The following TRIM41 variants were observed in gnomAD, a reference collection of about 807,000 sequenced individuals.
TRIM41 encodes E3 ubiquitin-protein ligase TRIM41.
A neutral mutation model predicts 60.6 loss-of-function variants in TRIM41; 21 were observed. That is an observed-to-expected ratio of 0.35 (90% CI 0.25 to 0.50). The LOEUF is 0.50. Ranked by LOEUF, TRIM41 falls within the 20% of genes least tolerant of loss-of-function variation. The probability of loss-of-function intolerance (pLI) is 0.98; values close to 1 mark genes in which losing one functional copy is unlikely to be tolerated. For synonymous variants in TRIM41, 407 were observed against 344.9 expected (o/e 1.18, Z -2.00); for missense variants, 846 against 868.3 (o/e 0.97, Z 0.32).
chr5:181,234,512 C>T lies in TRIM41; in HGVS notation c.1630C>T (p.Leu544=). ...RRRLHLPQQP[L]LQREVWCVGT... ...CCGGCTCCACCTGCCCCAGCAGCCC[C>T]TGCTCCAGCGGGAAGTGTGGTGCGT... Residue 544 remains leucine (L), a synonymous_variant, in exon 6 of 6, where the codon CTG becomes TTG. Coordinates refer to ENST00000315073, the MANE Select transcript of TRIM41 (RefSeq NM_033549.5). The surrounding 1 kb of genome is among the most constrained non-coding windows in gnomAD (Gnocchi z 5.6). 3 of 1,614,086 alleles carry T rather than the reference C, an allele frequency of 1.9e-6. No individual in the cohort carries two copies. Among genetic ancestry groups the T allele is most frequent in the Non-Finnish European group, 2.5e-6 (3 of 1,179,954 alleles).
chr5:181,235,284 A>G lies in TRIM41; in HGVS notation c.*509A>G. The stretch of plus-strand genomic sequence containing the variant: ...CTGGGCCAAAGGGTAGAGCTGGGTA[A>G]TAAATGTCTATTCTCCTGGGGAGGA... On this transcript the variant is annotated 3_prime_UTR_variant, in exon 6 of 6. Transcript: ENST00000315073. 6.2e-7 allele frequency: 1 copy of G among 1,613,800 alleles called. No individual in the cohort carries two copies. The highest frequency in any genetic ancestry group is 1.1e-5 in the South Asian group (1 of 91,014).
rs1758363951 is a variant in TRIM41 at position 181,223,293 on chromosome 5, G to C, written c.-707G>C. 1 of 398,720 alleles carries C rather than the reference G, an allele frequency of 2.5e-6. No individual in the cohort carries two copies. The highest frequency in any genetic ancestry group is 4.4e-6 in the Non-Finnish European group (1 of 226,196). The allele number at this position is 398,720 out of a possible 1,614,324, so 24.7% of individuals were successfully genotyped here. A position where few individuals can be genotyped will look rare whatever the true frequency, so the allele number is the denominator to read the frequency against. ...GACCCACCCCCTCGCTTCCGGCATCGGCTGTGGGGAGTACCGGCTGCAGTC... is the reference window on the plus strand; with the variant it reads ...GACCCACCCCCTCGCTTCCGGCATCCGCTGTGGGGAGTACCGGCTGCAGTC... On this transcript the variant is annotated 5_prime_UTR_variant, in exon 1 of 6. Transcript: ENST00000315073.
Position 181,223,959 on chromosome 5 carries a change from C to T in TRIM41, c.-41C>T, listed in dbSNP as rs752511260. Reference sequence around the variant, plus strand: ...CGGTAGGGAAGACCCCCGCCCCTCGCCCCCCCACCGAACCTCTACACTGGC... The same window carrying T: ...CGGTAGGGAAGACCCCCGCCCCTCGTCCCCCCACCGAACCTCTACACTGGC... On this transcript the variant is annotated 5_prime_UTR_variant, in exon 1 of 6. Transcript: ENST00000315073. 2.1e-5 allele frequency: 33 copies of T among 1,559,228 alleles called. No homozygotes were observed. In the East Asian group the frequency reaches 2.7e-4, roughly 13 times the overall value.
chr5:181,233,516 T>TC lies in TRIM41; in HGVS notation c.1163+83dup. 1 of 1,612,464 alleles carries TC rather than the reference T, an allele frequency of 6.2e-7. No individual in the cohort carries two copies. The highest frequency in any genetic ancestry group is 8.5e-7 in the Non-Finnish European group (1 of 1,178,738). Reference sequence around the variant, plus strand: ...GCTTCTCTTCGGTATCCCTCTCCTCTCCTTCCTTCCCCAGGACCTGAGTTT... The same window carrying TC: ...GCTTCTCTTCGGTATCCCTCTCCTCTCCCTTCCTTCCCCAGGACCTGAGTTT... On this transcript the variant is annotated intron_variant, in intron 4 of 5. Transcript: ENST00000315073. The surrounding 1 kb of genome is among the most constrained non-coding windows in gnomAD (Gnocchi z 4.1).
chr5:181,225,747 G>C (rs1386873113), intron 1 of TRIM41: 1 of 152,182 alleles, frequency 6.6e-6, no homozygotes, highest in Non-Finnish European at 1.5e-5. Flanking sequence ...ATTCTAGTTT[G>C]ACAAATACCT....
intron 1 of TRIM41, chr5:181,226,948 A>C (rs1758578710): frequency 6.6e-6 from 1 of 151,268 alleles, no homozygotes; most frequent in Admixed American, 6.6e-5. Context: ...ATCTTGGCTC[A>C]CCGCAACCTC....
At position 181,233,776 on chromosome 5, in the gene TRIM41, C is replaced by A; in HGVS notation, c.1291+13C>A. 1 of 1,614,206 alleles carries A rather than the reference C, an allele frequency of 6.2e-7. No individual in the cohort carries two copies. The highest frequency in any genetic ancestry group is 8.5e-7 in the Non-Finnish European group (1 of 1,180,032). On this transcript the variant is annotated intron_variant, in intron 5 of 5. Coordinates refer to ENST00000315073, the MANE Select transcript of TRIM41 (RefSeq NM_033549.5). This position sits in a 1 kb window ranked among gnomAD's most constrained non-coding sequence, Gnocchi z 4.1. ...CAGGCTGCGAGAGGTAGGGAGGTCA[C>A]CTCCACGACCTTCCTTTGCCTTTCC...
In TRIM41 at chr5:181,235,679, C is replaced by T. The variant is rs1017881504; in HGVS notation, c.*904C>T. On this transcript the variant is annotated 3_prime_UTR_variant, in exon 6 of 6. Transcript: ENST00000315073. Reference sequence around the variant, plus strand: ...CCAGGAGGAGAGCCTTGGGTATAATCTATTTTTCTAGGAGCCTCTTGCCTT... The same window carrying T: ...CCAGGAGGAGAGCCTTGGGTATAATTTATTTTTCTAGGAGCCTCTTGCCTT... 1.7e-5 allele frequency: 7 copies of T among 413,418 alleles called. No individual in the cohort carries two copies. Among genetic ancestry groups the T allele is most frequent in the African/African-American group, 1.2e-4 (6 of 50,606 alleles). 25.6% of individuals were successfully genotyped at this position (413,418 alleles called of 1,614,324 possible). A position where few individuals can be genotyped will look rare whatever the true frequency, so the allele number is the denominator to read the frequency against.
Position 181,234,122 on chromosome 5 carries a change from C to G in TRIM41, c.1292-52C>G. On this transcript the variant is annotated intron_variant, in intron 5 of 5. Transcript: ENST00000315073. This position sits in a 1 kb window ranked among gnomAD's most constrained non-coding sequence, Gnocchi z 5.6. ...CCCAATCTGTGGAGTTGGCTGCTGACAGGGGAACAGCCGTTCCAGCCCTGG... is the reference window on the plus strand; with the variant it reads ...CCCAATCTGTGGAGTTGGCTGCTGAGAGGGGAACAGCCGTTCCAGCCCTGG... 6.2e-7 allele frequency: 1 copy of G among 1,600,632 alleles called. No individual in the cohort carries two copies. Among genetic ancestry groups the G allele is most frequent in the Non-Finnish European group, 8.5e-7 (1 of 1,179,746 alleles).
Position 181,233,351 on chromosome 5 carries a change from T to C in TRIM41, c.1141-62T>C, listed in dbSNP as rs1758892005. 1 of 1,542,852 alleles carries C rather than the reference T, an allele frequency of 6.5e-7. No homozygotes were observed. Among genetic ancestry groups the C allele is most frequent in the Non-Finnish European group, 8.9e-7 (1 of 1,117,736 alleles). On this transcript the variant is annotated intron_variant, in intron 3 of 5. Coordinates refer to ENST00000315073, the MANE Select transcript of TRIM41 (RefSeq NM_033549.5). This position sits in a 1 kb window ranked among gnomAD's most constrained non-coding sequence, Gnocchi z 4.1. The stretch of plus-strand genomic sequence containing the variant: ...TGGAGATCGGGGAACGCTGTCCCTG[T>C]GCAGCTGACACTCTCTTTATCTCTT...
In TRIM41 at chr5:181,234,975, CCTA is replaced by C. The variant is rs1191236326; in HGVS notation, c.*204_*206del. ...TGGCCTCCAGCTCAGCCTTCTCTCA[CCTA>C]CTATGTCTGTCCAACAGGTCTGCAT... is the stretch of plus-strand genomic sequence containing the variant. On this transcript the variant is annotated 3_prime_UTR_variant, in exon 6 of 6. Transcript: ENST00000315073. This position sits in a 1 kb window ranked among gnomAD's most constrained non-coding sequence, Gnocchi z 5.6. 2 of 1,614,126 alleles carry C rather than the reference CCTA, an allele frequency of 1.2e-6. No individual in the cohort carries two copies. Among genetic ancestry groups the C allele is most frequent in the East Asian group, 2.2e-5 (1 of 44,884 alleles).
rs1279115404 is a variant in TRIM41 at position 181,235,320 on chromosome 5, ACTTTC to A, written c.*549_*553del. ...TTCTCCTGGGGAGGAGGGATTCTAA[ACTTTC>A]CTTCCGTCCTCAATTTCTACCTCCA... On this transcript the variant is annotated 3_prime_UTR_variant, in exon 6 of 6. Transcript: ENST00000315073. 1 of 1,613,944 alleles carries A rather than the reference ACTTTC, an allele frequency of 6.2e-7. No homozygotes were observed. Among genetic ancestry groups the A allele is most frequent in the African/African-American group, 1.3e-5 (1 of 74,872 alleles).
rs747224544 is a variant in TRIM41, at chr5:181,224,362, C to T, written c.363C>T (p.Asp121=). 9 of 1,611,888 alleles carry T rather than the reference C, an allele frequency of 5.6e-6. No homozygotes were observed. The highest frequency in any genetic ancestry group is 1.7e-5 in the Admixed American group (1 of 59,878). Residue 121 remains aspartate (D), a synonymous_variant, in exon 1 of 6, where the codon GAC becomes GAT. Transcript: ENST00000315073. ...GCAGGTCCAGCTGGGACAACATGGA[C>T]TATGTGTGGGAGGAGGAGGACGAGG... ...GMSRSSWDNM[D]YVWEEEDEEE...
At position 181,234,836 on chromosome 5, in the gene TRIM41, G is replaced by T; in HGVS notation, c.*61G>T. 6.2e-7 allele frequency: 1 copy of T among 1,606,744 alleles called. No homozygotes were observed. On this transcript the variant is annotated 3_prime_UTR_variant, in exon 6 of 6. Coordinates refer to ENST00000315073, the MANE Select transcript of TRIM41 (RefSeq NM_033549.5). The surrounding 1 kb of genome is among the most constrained non-coding windows in gnomAD (Gnocchi z 5.6). ...CTTGGGGGGTGGGTGGTGGAGGGTGGCCCGTAAGTTTGAGGGCTCAAAGGC... is the reference window on the plus strand; with the variant it reads ...CTTGGGGGGTGGGTGGTGGAGGGTGTCCCGTAAGTTTGAGGGCTCAAAGGC...
At chr5:181,225,599 A>C (rs1758512707) in intron 1 of TRIM41, 1 of 152,462 alleles carries the variant, frequency 6.6e-6, no homozygotes, top group African/African-American at 2.4e-5. Context: ...GGCTTTAAGT[A>C]CCATACAGAG....
Position 181,233,009 on chromosome 5 carries a change from C to A in TRIM41, c.1140+120C>A. 9.9e-7 allele frequency: 1 copy of A among 1,010,490 alleles called. No individual in the cohort carries two copies. The highest frequency in any genetic ancestry group is 1.5e-6 in the Non-Finnish European group (1 of 667,198). The allele number at this position is 1,010,490 out of a possible 1,614,324, so 62.6% of individuals were successfully genotyped here. A position where few individuals can be genotyped will look rare whatever the true frequency, so the allele number is the denominator to read the frequency against. ...TGGGAGGAACCCACAGTGATTGAACCTGAAGACCAAAAACATGTTTTAAAG... is the reference window on the plus strand; with the variant it reads ...TGGGAGGAACCCACAGTGATTGAACATGAAGACCAAAAACATGTTTTAAAG... On this transcript the variant is annotated intron_variant, in intron 3 of 5. Transcript: ENST00000315073. This position sits in a 1 kb window ranked among gnomAD's most constrained non-coding sequence, Gnocchi z 4.1.
rs200565045 is a variant in TRIM41, at chr5:181,235,357, G to A, written c.*582G>A. ...TCCTCAATTTCTACCTCCATAGACC[G>A]GCCAGAATTTAGCTTCACTTGAGAG... On this transcript the variant is annotated 3_prime_UTR_variant, in exon 6 of 6. Coordinates refer to ENST00000315073, the MANE Select transcript of TRIM41 (RefSeq NM_033549.5). The A allele has an allele frequency of 5.2e-4, 833 of 1,614,144 alleles. 5 individuals carry two copies. The highest frequency in any genetic ancestry group is 4.6e-3 in the South Asian group (423 of 91,068).
chr5:181,224,019 C>G lies in TRIM41; in HGVS notation c.20C>G (p.Thr7Arg). 1 of 1,613,716 alleles carries G rather than the reference C, an allele frequency of 6.2e-7. No homozygotes were observed. Among genetic ancestry groups the G allele is most frequent in the Non-Finnish European group, 8.5e-7 (1 of 1,179,754 alleles). The change falls in exon 1 of 6, where the codon ACA (threonine) becomes AGA (arginine). Residue 7 changes from threonine to arginine, a missense_variant. Coordinates refer to ENST00000315073, the MANE Select transcript of TRIM41 (RefSeq NM_033549.5). ...ACTAAGATGGCTGCCGTTGCCATGA[C>G]ACCCAACCCTGTGCAGACCCTTCAG... MAAVAM[T>R]PNPVQTLQEE... is the part of the protein sequence containing the mutation.
chr5:181,232,449 C>CAG, intron 2 of TRIM41: 2 of 561,238 alleles, frequency 3.6e-6, no homozygotes, highest in Non-Finnish European at 6.2e-6. Context: ...GTGTTCCAGG[C>CAG]AGAGGTTAGT....
Sources: allele counts gnomAD v4.1 joint callset, GRCh38; gene constraint gnomAD v4.1.1; non-coding constraint Gnocchi (gnomAD v3.1); transcripts MANE v1.5; gene names NCBI Gene and HGNC (gene_info 2026-07-23, HGNC 2026-07-21).